ADAM7: variants seen among roughly 807,000 people sequenced by gnomAD.
The protein encoded by ADAM7 is disintegrin and metalloproteinase domain-containing protein 7.
In ADAM7, 97 loss-of-function variants were observed where a neutral mutation model predicts 102.9. That is an observed-to-expected ratio of 0.94 (90% CI 0.80 to 1.12). ADAM7 has a LOEUF of 1.12. Ranked by LOEUF, ADAM7 falls within the 50% of genes most tolerant of loss-of-function variation. The pLI is 0.00. For synonymous variants in ADAM7, 334 were observed against 304.4 expected (o/e 1.10, Z -1.01); for missense variants, 991 against 908.7 (o/e 1.09, Z -1.16).
intron 2 of ADAM7, among the ~76,000 whole-genome samples, chr8:24,445,356 G>A (rs770916112): frequency 1.7e-4 from 26 of 152,132 alleles, no homozygotes; most frequent in Non-Finnish European, 3.4e-4. Context: ...CTTAACTAAT[G>A]CACACTTAAC....
intron 20 of ADAM7, 37 bp downstream of exon 20, chr8:24,501,613 T>A (rs1360704783): frequency 1.1e-5 from 3 of 274,804 alleles, no homozygotes; most frequent in Non-Finnish European, 1.6e-5. Flanking sequence ...AATTTATTGA[T>A]TTTTTTTTTT....
intron 5 of ADAM7, among the ~76,000 whole-genome samples, chr8:24,466,090 T>C (rs547217053): frequency 6.7e-4 from 102 of 152,336 alleles, no homozygotes; most frequent in African/African-American, 2.1e-3. Flanking sequence ...AGAAGCTTTC[T>C]CCTGAATATT....
rs370839723 is a variant in ADAM7 at position 24,464,646 on chromosome 8, G to T, written c.312+686G>T. 5.9e-5 allele frequency among the ~76,000 whole-genome samples: 9 copies of T among 152,358 alleles called. No individual in the cohort carries two copies. The South Asian group carries it at 1.7e-3, about 28-fold the overall frequency. On this transcript the variant is annotated intron_variant, in intron 4 of 21. Coordinates refer to ENST00000175238, the MANE Select transcript of ADAM7 (RefSeq NM_003817.4). ...AAACAGAGCCTCACTCTGTTGCCAG[G>T]CTGGAGCGCAGTGGTGCAATCTCAG...
intron 1 of ADAM7, among the ~76,000 whole-genome samples, chr8:24,441,444 G>A (rs1389868370): frequency 2.0e-5 from 3 of 152,196 alleles, no homozygotes; most frequent in African/African-American, 7.2e-5. Context: ...GTATGTTAAA[G>A]TGTTTAAAAT....
At chr8:24,476,940 T>C (rs1285818910) in intron 8 of ADAM7, among the ~76,000 whole-genome samples, 1 of 152,168 alleles carries the variant, frequency 6.6e-6, no homozygotes, top group East Asian at 1.9e-4. Flanking sequence ...TAAATTAGAA[T>C]GAGGTATATA....
chr8:24,478,556 C>A (rs778996686), intron 8 of ADAM7, among the ~76,000 whole-genome samples: 4 of 152,118 alleles, frequency 2.6e-5, no homozygotes, highest in Non-Finnish European at 4.4e-5. Flanking sequence ...CAGTCCTGCC[C>A]ACGTTGAAAG....
At chr8:24,482,358 A>G (rs1348955283) in intron 9 of ADAM7, 47 bp downstream of exon 9, 7 of 1,530,926 alleles carry the variant, frequency 4.6e-6, no homozygotes, top group African/African-American at 1.5e-5. Context: ...GGATTATTAC[A>G]AAAGAAAACA....
At chr8:24,452,749 T>C (rs1271788157) in intron 3 of ADAM7, among the ~76,000 whole-genome samples, 2 of 151,732 alleles carry the variant, frequency 1.3e-5, no homozygotes, top group African/African-American at 2.4e-5. Flanking sequence ...CTAGCCTCGA[T>C]GGTCTTTACA....
chr8:24,451,203 T>G (rs1428376969), intron 3 of ADAM7, among the ~76,000 whole-genome samples: 1 of 151,916 alleles, frequency 6.6e-6, no homozygotes, highest in Non-Finnish European at 1.5e-5. Context: ...TTCTATTGAT[T>G]GGAATAGTTT....
intron 1 of ADAM7, among the ~76,000 whole-genome samples, chr8:24,441,903 G>C (rs1297553328): frequency 6.6e-6 from 1 of 152,184 alleles, no homozygotes; most frequent in East Asian, 1.9e-4. Flanking sequence ...GCCAGACATG[G>C]TGGCTCATGC....
chr8:24,456,041 C>T (rs561658005), intron 3 of ADAM7, among the ~76,000 whole-genome samples: 27 of 152,170 alleles, frequency 1.8e-4, no homozygotes, highest in Admixed American at 8.5e-4. Context: ...ATTCACCATG[C>T]GGTGCAACAG....
intron 2 of ADAM7, among the ~76,000 whole-genome samples, chr8:24,445,660 G>A (rs1026075290): frequency 6.6e-6 from 1 of 152,156 alleles, no homozygotes; most frequent in Non-Finnish European, 1.5e-5. Context: ...TCTACAAGAA[G>A]TAAAGTACTA....
intron 3 of ADAM7, among the ~76,000 whole-genome samples, chr8:24,461,176 TG>T (rs1299568364): frequency 6.6e-6 from 1 of 152,110 alleles, no homozygotes; most frequent in Admixed American, 6.6e-5. Flanking sequence ...GTATTTTTAG[TG>T]GAGACGGGGT....
chr8:24,506,900 G>C (rs759197946), intron 20 of ADAM7, among the ~76,000 whole-genome samples: 2 of 152,040 alleles, frequency 1.3e-5, no homozygotes, highest in Admixed American at 1.3e-4. Context: ...ACTGGGCGCT[G>C]AATACACACA....
At chr8:24,443,113 T>A (rs1818430495) in intron 2 of ADAM7, among the ~76,000 whole-genome samples, 1 of 152,220 alleles carries the variant, frequency 6.6e-6, no homozygotes, top group Non-Finnish European at 1.5e-5. Flanking sequence ...GCTTGAAAAT[T>A]AAGATGTTTT....
At chr8:24,461,725 C>A (rs1819248926) in intron 3 of ADAM7, among the ~76,000 whole-genome samples, 1 of 151,806 alleles carries the variant, frequency 6.6e-6, no homozygotes, top group African/African-American at 2.4e-5. Flanking sequence ...TTCTATTAAT[C>A]TCTCATTGAG....
At chr8:24,463,240 C>A (rs1819310075) in intron 3 of ADAM7, among the ~76,000 whole-genome samples, 2 of 151,996 alleles carry the variant, frequency 1.3e-5, no homozygotes, top group Non-Finnish European at 2.9e-5. Context: ...TTCTTATGTT[C>A]AGGTTGGGAT....
rs1257069364 is a variant in ADAM7, at chr8:24,482,168, G to A, written c.732G>A (p.Val244=). 1 of 1,591,588 alleles carries A rather than the reference G, an allele frequency of 6.3e-7. No homozygotes were observed. The highest frequency in any genetic ancestry group is 8.5e-7 in the Non-Finnish European group (1 of 1,173,576). ...TTTATAAAACCTTAAACATCCATGT[G>A]ACGTTGGTTGGCATTGAAATATGGA... ...NMIYKTLNIH[V]TLVGIEIWTH... The change falls in exon 9 of 22, where the codon GTG becomes GTA. Residue 244 remains valine, a synonymous_variant. Coordinates refer to ENST00000175238, the MANE Select transcript of ADAM7 (RefSeq NM_003817.4).
chr8:24,484,424 C>A (rs560836270), intron 9 of ADAM7, among the ~76,000 whole-genome samples: 1 of 152,230 alleles, frequency 6.6e-6, no homozygotes, highest in East Asian at 1.9e-4. Context: ...AATTTGGATT[C>A]CTATAATATA....
Sources: allele counts gnomAD v4.1 joint callset (sites outside exome capture counted in the v4.1 genomes callset), GRCh38; gene constraint gnomAD v4.1.1; transcripts MANE v1.5; gene names NCBI Gene and HGNC (gene_info 2026-07-23, HGNC 2026-07-21).